Variants in BCR observed in about 807,000 individuals in gnomAD.
The protein encoded by BCR is BCR activator of RhoGEF and GTPase.
A neutral mutation model predicts 138.6 loss-of-function variants in BCR; 58 were observed. The ratio of observed to expected loss-of-function variants is 0.42; its 90% CI spans 0.34 to 0.52. The LOEUF (loss-of-function observed/expected upper bound fraction) is 0.52. Ranked by LOEUF, BCR falls within the 20% of genes least tolerant of loss-of-function variation. BCR has a pLI of 0.06. For synonymous variants in BCR, 786 were observed against 730.1 expected (o/e 1.08, Z -1.23); for missense variants, 1,599 against 1,727.2 (o/e 0.93, Z 1.32).
chr22:23,315,068 AG>A (rs2074053622), intron 22 of BCR, among the ~76,000 whole-genome samples: 1 of 152,212 alleles, frequency 6.6e-6, no homozygotes. Context: ...AAAAATAAAA[AG>A]AAAAATTAGC....
At chr22:23,294,487 G>T (rs114172738) in intron 15 of BCR, among the ~76,000 whole-genome samples, 1 of 152,150 alleles carries the variant, frequency 6.6e-6, no homozygotes, top group Non-Finnish European at 1.5e-5. Context: ...TGCAGCCTCC[G>T]CCTCCCGGAT....
At chr22:23,272,626 C>A (rs1175645293) in intron 6 of BCR, among the ~76,000 whole-genome samples, 1 of 152,098 alleles carries the variant, frequency 6.6e-6, no homozygotes, top group African/African-American at 2.4e-5. Context: ...GTATTGGCAT[C>A]TGAGTAGGTT....
chr22:23,275,778 C>T (rs568421104), intron 8 of BCR, among the ~76,000 whole-genome samples: 1 of 152,332 alleles, frequency 6.6e-6, no homozygotes, highest in African/African-American at 2.4e-5. Context: ...CCTGAGATGC[C>T]TGCTCTTTCT....
chr22:23,286,258 T>A (rs140474387), intron 10 of BCR, among the ~76,000 whole-genome samples: 175 of 152,250 alleles, frequency 1.1e-3, no homozygotes, highest in African/African-American at 4.1e-3. Flanking sequence ...GTAAAAATGG[T>A]GAGGACAAGC....
chr22:23,185,713 TTC>T (rs76746751), intron 1 of BCR, among the ~76,000 whole-genome samples: 3,652 of 141,366 alleles, frequency 0.026, 122 homozygotes, highest in African/African-American at 0.076. Context: ...GAGAGTGTGG[TTC>T]TCTCTGTTTT....
intron 16 of BCR, among the ~76,000 whole-genome samples, chr22:23,295,838 A>G (rs17540103): frequency 0.18 from 27,649 of 152,094 alleles, 2,974 homozygotes; most frequent in South Asian, 0.25. Flanking sequence ...GGCCCTGTTT[A>G]TCCTGTTCCC....
intron 1 of BCR, among the ~76,000 whole-genome samples, chr22:23,200,013 G>A (rs1404474130): frequency 2.6e-5 from 4 of 152,050 alleles, no homozygotes; most frequent in East Asian, 1.9e-4. Context: ...GCATGAACTC[G>A]GGAGGCAGAG....
At chr22:23,225,415 G>C (rs1841451801) in intron 1 of BCR, among the ~76,000 whole-genome samples, 1 of 152,176 alleles carries the variant, frequency 6.6e-6, no homozygotes, top group African/African-American at 2.4e-5. Context: ...GAGGGCATGC[G>C]CTTTGCCAAA....
At chr22:23,254,312 T>C (rs891478607) in intron 2 of BCR, among the ~76,000 whole-genome samples, 3 of 152,116 alleles carry the variant, frequency 2.0e-5, no homozygotes, top group African/African-American at 7.2e-5. Context: ...TGTCTGGGCT[T>C]GGGTCCCTTT....
chr22:23,187,288 T>A (rs1014930745), intron 1 of BCR, among the ~76,000 whole-genome samples: 10 of 151,172 alleles, frequency 6.6e-5, no homozygotes, highest in African/African-American at 2.4e-4. Flanking sequence ...CTTTTTTTTT[T>A]TTTTTTTTTC....
rs2072237855 is a variant in BCR, at chr22:23,180,863, GGCCGCCC to G, written c.-96_-90del. 2 of 753,316 alleles carry G rather than the reference GGCCGCCC, an allele frequency of 2.7e-6. No homozygotes were observed. Among genetic ancestry groups the G allele is most frequent in the Non-Finnish European group, 3.1e-6 (2 of 639,028 alleles). 46.7% of individuals were successfully genotyped at this position (753,316 alleles called of 1,614,324 possible). ...CCGCCGCCGCCGCGCGGGCCATGGG[GGCCGCCC>G]GGCGCCCGGGGCCGGGCTGGCGAGG... On this transcript the variant is annotated 5_prime_UTR_variant, in exon 1 of 23. It introduces an in-frame stop codon into an upstream open reading frame of the 5' UTR. Coordinates refer to ENST00000305877, the MANE Select transcript of BCR (RefSeq NM_004327.4).
rs558757471 is a variant in BCR at position 23,273,440 on chromosome 22, A to G, written c.1975-194A>G. The stretch of plus-strand genomic sequence containing the variant: ...ATGCAGCGTGAGTTTGCTGGAACAC[A>G]TGTAGGACCTGCTTCCAGGATGGTG... On this transcript the variant is annotated intron_variant, in intron 7 of 22. Transcript: ENST00000305877. 5.4e-4 allele frequency among the ~76,000 whole-genome samples: 82 copies of G among 152,314 alleles called. 2 individuals are homozygous for G. In the South Asian group the frequency reaches 0.017, roughly 31 times the overall value.
At chr22:23,220,674 G>A (rs559042036) in intron 1 of BCR, among the ~76,000 whole-genome samples, 1 of 152,238 alleles carries the variant, frequency 6.6e-6, no homozygotes, top group African/African-American at 2.4e-5. Flanking sequence ...CATGCTTCTG[G>A]GATATGATGA....
In BCR at chr22:23,312,002, G is replaced by C. The variant is rs893126604; in HGVS notation, c.3322+166G>C. The C allele has an allele frequency of 5.2e-6, 7 of 1,356,466 alleles. No individual in the cohort carries two copies. In the Admixed American group the frequency reaches 1.1e-4, roughly 22 times the overall value. The allele number at this position is 1,356,466 out of a possible 1,614,324, so 84.0% of individuals were successfully genotyped here. A position where few individuals can be genotyped will look rare whatever the true frequency, so the allele number is the denominator to read the frequency against. On this transcript the variant is annotated intron_variant, in intron 19 of 22. Transcript: ENST00000305877. ...AGAGAAGACAAGAGTTGTAGAAAAAGCCTCTGTAGAAACCAGTTTTTAAAC... is the reference window on the plus strand; with the variant it reads ...AGAGAAGACAAGAGTTGTAGAAAAACCCTCTGTAGAAACCAGTTTTTAAAC...
Position 23,195,334 on chromosome 22 carries a change from C to T in BCR, c.1279+13095C>T, listed in dbSNP as rs373784385. On this transcript the variant is annotated intron_variant, in intron 1 of 22. Transcript: ENST00000305877. ...ACTTGGGAGGCTGAGGCGGGAAAAT[C>T]GCTTGAACTCAGGAGGCAGAGGTTG... Among the ~76,000 whole-genome samples, 444 of 150,430 alleles carry T rather than the reference C, an allele frequency of 3.0e-3. 3 individuals carry two copies. The highest frequency in any genetic ancestry group is 9.7e-3 in the African/African-American group (395 of 40,854).
At position 23,181,033 on chromosome 22, in the gene BCR, C is replaced by T; in HGVS notation, c.73C>T (p.Leu25=). The change falls in exon 1 of 23, where the codon CTG becomes TTG. Residue 25 remains leucine, a synonymous_variant. Transcript: ENST00000305877. ...GGACTCAGAGCCCCCGCGCATGGAG[C>T]TGCGCTCAGTGGGCGACATCGAGCA... The part of the protein sequence containing the change: ...FPDSEPPRME[L]RSVGDIEQEL... The T allele has an allele frequency of 1.3e-6, 2 of 1,519,082 alleles. No homozygotes were observed. Among genetic ancestry groups the T allele is most frequent in the Non-Finnish European group, 1.8e-6 (2 of 1,127,894 alleles). 94.1% of individuals were successfully genotyped at this position (1,519,082 alleles called of 1,614,324 possible). A position where few individuals can be genotyped will look rare whatever the true frequency, so the allele number is the denominator to read the frequency against.
At chr22:23,260,020 C>A (rs2073339223) in intron 2 of BCR, among the ~76,000 whole-genome samples, 1 of 152,142 alleles carries the variant, frequency 6.6e-6, no homozygotes, top group African/African-American at 2.4e-5. Context: ...ACATATGGAA[C>A]CTTTTGGCTT....
At chr22:23,260,371 G>A (rs2073342855) in intron 2 of BCR, among the ~76,000 whole-genome samples, 1 of 152,194 alleles carries the variant, frequency 6.6e-6, no homozygotes, top group Admixed American at 6.5e-5. Flanking sequence ...TGAGCCCCAG[G>A]GACAGGGTTC....
At chr22:23,264,465 C>T (rs1194240927) in intron 4 of BCR, 11 of 619,416 alleles carry the variant, frequency 1.8e-5, no homozygotes, top group Non-Finnish European at 3.2e-5. Flanking sequence ...CACTGTGCTC[C>T]TGGGCCTGTG....
Sources: allele counts gnomAD v4.1 joint callset (sites outside exome capture counted in the v4.1 genomes callset), GRCh38; gene constraint gnomAD v4.1.1; transcripts MANE v1.5; gene names NCBI Gene and HGNC (gene_info 2026-07-23, HGNC 2026-07-21).